STON1: variants seen among roughly 807,000 people sequenced by gnomAD.
STON1 encodes stonin-1.
In STON1, 79 loss-of-function variants were observed where a neutral mutation model predicts 60.9. That is an observed-to-expected ratio of 1.30 (90% confidence interval 1.08 to 1.56). The LOEUF (loss-of-function observed/expected upper bound fraction) is 1.56. STON1 is among the 40% of genes most tolerant of loss of function. The probability of loss-of-function intolerance (pLI) is 0.00; values close to 1 mark genes in which losing one functional copy is unlikely to be tolerated. For missense variants in STON1, 1,166 were observed against 858.9 expected, an observed-to-expected ratio of 1.36 and a Z score of -4.47; for synonymous variants, 363 against 306.9, an observed-to-expected ratio of 1.18 and a Z score of -1.91.
intron 1 of STON1, among the ~76,000 whole-genome samples, chr2:48,538,448 ATTTAG>A (rs1468405001): frequency 3.9e-5 from 6 of 152,214 alleles, no homozygotes; most frequent in Middle Eastern, 3.4e-3. Context: ...AGTTTTGATA[ATTTAG>A]TTTAGATGAT....
intron 1 of STON1, among the ~76,000 whole-genome samples, chr2:48,561,984 C>A (rs1274568362): frequency 6.6e-6 from 1 of 152,168 alleles, no homozygotes; most frequent in Non-Finnish European, 1.5e-5. Context: ...CCTCAGCCTC[C>A]CGAGTAGCTG....
chr2:48,593,736 C>G (rs1674651840), intron 3 of STON1, among the ~76,000 whole-genome samples: 1 of 152,144 alleles, frequency 6.6e-6, no homozygotes, highest in South Asian at 2.1e-4. Context: ...CATGACATCG[C>G]TAATATCAAC....
At position 48,580,617 on chromosome 2, in the gene STON1, A is replaced by G. The variant is rs1197072772; in HGVS notation, c.-17A>G. 9 of 1,339,640 alleles carry G rather than the reference A, an allele frequency of 6.7e-6. No individual in the cohort carries two copies. Among genetic ancestry groups the G allele is most frequent in the Non-Finnish European group, 7.7e-6 (8 of 1,038,100 alleles). 83.0% of individuals were successfully genotyped at this position (1,339,640 alleles called of 1,614,324 possible). ...ACCTATTTGATTTCTTGACAAGACCACAATCTGATCCCAAAGATGTGCTCC... is the reference window on the plus strand; with the variant it reads ...ACCTATTTGATTTCTTGACAAGACCGCAATCTGATCCCAAAGATGTGCTCC... On this transcript the variant is annotated 5_prime_UTR_variant, in exon 2 of 4. Coordinates refer to ENST00000404752, the MANE Select transcript of STON1 (RefSeq NM_006873.4).
intron 1 of STON1, among the ~76,000 whole-genome samples, chr2:48,552,735 A>G (rs111768350): frequency 0.067 from 10,203 of 152,242 alleles, 478 homozygotes; most frequent in Non-Finnish European, 0.1. Context: ...GCACCACTGC[A>G]CTCCAGCCTG....
At chr2:48,540,439 A>T (rs562520506) in intron 1 of STON1, among the ~76,000 whole-genome samples, 2 of 152,258 alleles carry the variant, frequency 1.3e-5, no homozygotes, top group East Asian at 3.9e-4. Context: ...AGGAATGCTG[A>T]CATTGTGAAG....
At chr2:48,589,992 A>T (rs146655564) in intron 2 of STON1, among the ~76,000 whole-genome samples, 2 of 152,302 alleles carry the variant, frequency 1.3e-5, no homozygotes, top group East Asian at 3.9e-4. Context: ...ACATTTTTAG[A>T]TGAAGAAACT....
chr2:48,585,997 G>A (rs879468708), intron 2 of STON1, among the ~76,000 whole-genome samples: 1 of 152,262 alleles, frequency 6.6e-6, no homozygotes, highest in Non-Finnish European at 1.5e-5. Flanking sequence ...CAAGAGCACA[G>A]GCTCCCTTTG....
At position 48,589,517 on chromosome 2, in the gene STON1, G is replaced by C. The variant is rs1407833009; in HGVS notation, c.1931-2136G>C. Among the ~76,000 whole-genome samples the C allele has an allele frequency of 1.3e-5, 2 of 152,226 alleles. 1 individual carries two copies. Among genetic ancestry groups the C allele is most frequent in the Non-Finnish European group, 2.9e-5 (2 of 68,042 alleles). On this transcript the variant is annotated intron_variant, in intron 2 of 3. Transcript: ENST00000404752. ...CCCTGTGGGGCAGAAAGTCTGAAGAGGGAGTGTGTTACTAAACATTGTAGA... is the reference window on the plus strand; with the variant it reads ...CCCTGTGGGGCAGAAAGTCTGAAGACGGAGTGTGTTACTAAACATTGTAGA...
chr2:48,563,721 G>A (rs540101493), intron 1 of STON1, among the ~76,000 whole-genome samples: 114 of 151,688 alleles, frequency 7.5e-4, no homozygotes, highest in African/African-American at 2.7e-3. Flanking sequence ...TTTGAGACGT[G>A]GTCTCACTGT....
At position 48,580,918 on chromosome 2, in the gene STON1, C is replaced by A. The variant is rs1673841279; in HGVS notation, c.285C>A (p.Pro95=). Residue 95 remains proline (P), a synonymous_variant, in exon 2 of 4, where the codon CCC becomes CCA. Coordinates refer to ENST00000404752, the MANE Select transcript of STON1 (RefSeq NM_006873.4). The stretch of plus-strand genomic sequence containing the variant: ...ACTTCCCAGGTTTTCCTGGCATCCC[C>A]AAAGCAGGGACTCATGTGCTTTATC... ...TKDFPGFPGI[P]KAGTHVLYPI... The A allele has an allele frequency of 6.3e-7, 1 of 1,599,576 alleles. No individual in the cohort carries two copies. Among genetic ancestry groups the A allele is most frequent in the African/African-American group, 1.3e-5 (1 of 74,358 alleles).
chr2:48,564,157 A>C (rs1672726849), intron 1 of STON1, among the ~76,000 whole-genome samples: 1 of 152,170 alleles, frequency 6.6e-6, no homozygotes, highest in Admixed American at 6.5e-5. Flanking sequence ...AAACCTATTA[A>C]GTTTTCTCCA....
intron 1 of STON1, among the ~76,000 whole-genome samples, chr2:48,538,158 C>T (rs1198028785): frequency 6.6e-6 from 1 of 151,988 alleles, no homozygotes; most frequent in Non-Finnish European, 1.5e-5. Context: ...GGAATTTCAC[C>T]GTGTTAGCCA....
chr2:48,577,308 C>T (rs979325998), intron 1 of STON1, among the ~76,000 whole-genome samples: 1 of 151,922 alleles, frequency 6.6e-6, no homozygotes. Context: ...TTTCACCGGG[C>T]GCGGTGGCTC....
chr2:48,574,376 GA>G (rs60372420), intron 1 of STON1, among the ~76,000 whole-genome samples: 4,904 of 128,850 alleles, frequency 0.038, 251 homozygotes, highest in African/African-American at 0.13. Context: ...ACTCCATCTC[GA>G]AAAAAAAAAA....
rs1185387957 is a variant in STON1 at position 48,581,757 on chromosome 2, T to C, written c.1124T>C (p.Met375Thr). ...EVVHEPDIEQ[M>T]LKLGSTSYHD... ...GTTCATGAACCTGACATAGAGCAGATGCTGAAGTTGGGGTCCACATCGTAC... is the reference window on the plus strand; with the variant it reads ...GTTCATGAACCTGACATAGAGCAGACGCTGAAGTTGGGGTCCACATCGTAC... Residue 375 changes from methionine (M) to threonine (T), a missense_variant, in exon 2 of 4, where the codon ATG becomes ACG. Met to Thr is a moderately conservative substitution (Grantham distance 81). Transcript: ENST00000404752. The C allele has an allele frequency of 6.2e-7, 1 of 1,613,516 alleles. No individual in the cohort carries two copies. The highest frequency in any genetic ancestry group is 8.5e-7 in the Non-Finnish European group (1 of 1,179,932).
chr2:48,569,598 T>G (rs1353091964), intron 1 of STON1, among the ~76,000 whole-genome samples: 1 of 152,256 alleles, frequency 6.6e-6, no homozygotes, highest in African/African-American at 2.4e-5. Flanking sequence ...TGAGACATGC[T>G]CTTTCCTTGA....
intron 2 of STON1, among the ~76,000 whole-genome samples, chr2:48,584,444 T>A (rs148307037): frequency 6.6e-6 from 1 of 152,036 alleles, no homozygotes; most frequent in Non-Finnish European, 1.5e-5. Context: ...GTTTTTTTAT[T>A]TTTAGTAGAG....
chr2:48,552,938 G>A (rs1672163086), intron 1 of STON1, among the ~76,000 whole-genome samples: 2 of 152,144 alleles, frequency 1.3e-5, no homozygotes. Context: ...AGTGGTTCTT[G>A]CTTGAGGTTT....
In STON1 at chr2:48,597,119, C is replaced by T. The variant is rs558869037; in HGVS notation, c.*1817C>T. On this transcript the variant is annotated 3_prime_UTR_variant, in exon 4 of 4. Transcript: ENST00000404752. The stretch of plus-strand genomic sequence containing the variant: ...CCACCAGCCTCGGCCTCCCAAAGTT[C>T]TGGGATTAAATGCGTGAGCCACCAT... The T allele has an allele frequency of 2.6e-5, 4 of 152,366 alleles. No individual in the cohort carries two copies. The highest frequency in any genetic ancestry group is 1.3e-4 in the Admixed American group (2 of 15,304). 9.4% of individuals were successfully genotyped at this position (152,366 alleles called of 1,614,324 possible).
Sources: allele counts gnomAD v4.1 joint callset (sites outside exome capture counted in the v4.1 genomes callset), GRCh38; gene constraint gnomAD v4.1.1; transcripts MANE v1.5; gene names NCBI Gene and HGNC (gene_info 2026-07-23, HGNC 2026-07-21).